Variants in EPS15 observed in about 807,000 individuals in gnomAD.
The protein encoded by EPS15 is epidermal growth factor receptor substrate 15.
EPS15 carries 72 observed loss-of-function variants against 113.8 expected under a neutral mutation model. The ratio of observed to expected loss-of-function variants is 0.63; its 90% CI spans 0.52 to 0.77. The LOEUF is 0.77. Among genes scored for constraint, EPS15 ranks in the 30% least tolerant of loss-of-function variants. EPS15 has a pLI of 0.00. For synonymous variants in EPS15, 344 were observed against 363.4 expected, an observed-to-expected ratio of 0.95 and a Z score of 0.61; for missense variants, 1,048 against 1,045.8, an observed-to-expected ratio of 1.00 and a Z score of -0.03.
At chr1:51,487,406 T>A (rs916376645) in intron 1 of EPS15, among the ~76,000 whole-genome samples, 1 of 152,150 alleles carries the variant, frequency 6.6e-6, no homozygotes, top group Non-Finnish European at 1.5e-5. Flanking sequence ...GATCTACTAA[T>A]GCAATAAAAA....
rs41292521 is a variant in EPS15 at position 51,408,295 on chromosome 1, G to A, written c.1313C>T (p.Ser438Leu). The A allele has an allele frequency of 0.018, 29,169 of 1,612,114 alleles. 380 individuals are homozygous for A. The highest frequency in any genetic ancestry group is 0.022 in the Non-Finnish European group (25,482 of 1,178,128). ...TTCTTCTTCGTAAGTGGAGATCTGCGATTCCTGACTAGTTAATTCAGCTTT... is the reference window on the plus strand; with the variant it reads ...TTCTTCTTCGTAAGTGGAGATCTGCAATTCCTGACTAGTTAATTCAGCTTT... ...SLKAELTSQE[S>L]QISTYEEELA... is the part of the protein sequence containing the mutation. Residue 438 changes from serine (S) to leucine (L), a missense_variant, in exon 15 of 25, where the codon TCG (serine) becomes TTG (leucine). Physicochemically the swap from Ser to Leu is moderately radical, Grantham distance 145. Coordinates refer to ENST00000371733, the MANE Select transcript of EPS15 (RefSeq NM_001981.3).
chr1:51,444,859 AC>A lies in EPS15; in HGVS notation c.954+29del, dbSNP rs1652878761. ...ATAGTATTGTTCCTTTGAAATTAAT[AC>A]ATTCAGGTTTCCTTTTAAGCTTTCT... On this transcript the variant is annotated intron_variant, in intron 11 of 24. Transcript: ENST00000371733. 2.5e-6 allele frequency: 4 copies of A among 1,591,444 alleles called. No individual in the cohort carries two copies. The East Asian group carries it at 8.9e-5, about 36-fold the overall frequency.
At chr1:51,396,056 T>C (rs1161753683) in intron 20 of EPS15, among the ~76,000 whole-genome samples, 2 of 152,138 alleles carry the variant, frequency 1.3e-5, no homozygotes, top group Non-Finnish European at 2.9e-5. Flanking sequence ...GCAGAAAGAA[T>C]TAATACTAAT....
At chr1:51,385,606 C>A (rs569816987) in intron 21 of EPS15, among the ~76,000 whole-genome samples, 1 of 152,184 alleles carries the variant, frequency 6.6e-6, no homozygotes, top group Non-Finnish European at 1.5e-5. Flanking sequence ...TGTACCCTCA[C>A]ATTCACAGTA....
Position 51,444,966 on chromosome 1 carries a change from A to T in EPS15, c.877T>A (p.Leu293Ile), listed in dbSNP as rs919927527. 1 of 1,613,882 alleles carries T rather than the reference A, an allele frequency of 6.2e-7. No homozygotes were observed. Among genetic ancestry groups the T allele is most frequent in the Non-Finnish European group, 8.5e-7 (1 of 1,179,906 alleles). The change falls in exon 11 of 25, where the codon TTA (leucine) becomes ATA (isoleucine). Residue 293 changes from leucine (L) to isoleucine (I), a missense_variant. Leu to Ile is a conservative substitution (Grantham distance 5, BLOSUM62 2). Transcript: ENST00000371733. Reference protein sequence around the residue: ...ALAFHLISQKLIKGIDPPHVL... With the variant: ...ALAFHLISQKIIKGIDPPHVL... ...TGAGGAGGATCAATGCCCTTGATTA[A>T]CTTCTGACTGATTAAGTGAAAAGCC...
chr1:51,397,800 T>TAG (rs1429905470), intron 20 of EPS15, among the ~76,000 whole-genome samples: 4 of 152,210 alleles, frequency 2.6e-5, no homozygotes, highest in Non-Finnish European at 5.9e-5. Flanking sequence ...ATTCTTAATC[T>TAG]AATAGTACTA....
rs72910260 is a variant in EPS15, at chr1:51,440,010, C to T, written c.1040+337G>A. Among the ~76,000 whole-genome samples, 1,146 of 152,064 alleles carry T rather than the reference C, an allele frequency of 7.5e-3. 13 individuals carry two copies. Among genetic ancestry groups the T allele is most frequent in the African/African-American group, 0.026 (1,092 of 41,516 alleles). On this transcript the variant is annotated intron_variant, in intron 12 of 24. Transcript: ENST00000371733. ...TATTTTTCAGTCATTCTAGGATATA[C>T]GTTTTTTCGCATTTTTCTCTAAATG...
At position 51,399,048 on chromosome 1, in the gene EPS15, T is replaced by C. The variant is rs140829740; in HGVS notation, c.2036A>G (p.Asn679Ser). 19 of 1,613,646 alleles carry C rather than the reference T, an allele frequency of 1.2e-5. No homozygotes were observed. Among genetic ancestry groups the C allele is most frequent in the African/African-American group, 4.0e-5 (3 of 74,888 alleles). ...CCCACTTACCGATGTAATACTGCTATTGTTGGCTGCACTGAAAGGGTCAGT... is the reference window on the plus strand; with the variant it reads ...CCCACTTACCGATGTAATACTGCTACTGTTGGCTGCACTGAAAGGGTCAGT... ...SSTDPFSAAN[N>S]SSITSVETLK... Residue 679 changes from asparagine to serine, a missense_variant, in exon 20 of 25, where the codon AAT becomes AGT. By Grantham distance (46) the Asn-to-Ser change is conservative. Transcript: ENST00000371733.
chr1:51,366,000 T>A lies in EPS15; in HGVS notation c.2149A>T (p.Asn717Tyr). 6.2e-7 allele frequency: 1 copy of A among 1,612,964 alleles called. No individual in the cohort carries two copies. The highest frequency in any genetic ancestry group is 8.5e-7 in the Non-Finnish European group (1 of 1,179,394). ...ATDPFASVFGNESFGGGFADF... is the reference protein window; with the variant it reads ...ATDPFASVFGYESFGGGFADF... ...GCAAATCCACCTCCAAATGATTCAT[T>A]CCCAAAAACAGAAGCAAAGGGGTCT... is the stretch of plus-strand genomic sequence containing the variant. Residue 717 changes from asparagine (N) to tyrosine (Y), a missense_variant, in exon 22 of 25, where the codon AAT becomes TAT. By Grantham distance (143) the Asn-to-Tyr change is moderately radical. Transcript: ENST00000371733.
chr1:51,484,610 C>G lies in EPS15; in HGVS notation c.34-3296G>C, dbSNP rs548359522. Among the ~76,000 whole-genome samples the G allele has an allele frequency of 4.6e-5, 7 of 152,074 alleles. No homozygotes were observed. The South Asian group carries it at 1.2e-3, about 27-fold the overall frequency. On this transcript the variant is annotated intron_variant, in intron 1 of 24. Coordinates refer to ENST00000371733, the MANE Select transcript of EPS15 (RefSeq NM_001981.3). ...ATCTGGAAGAGAACTAGTGATAATT[C>G]CATCTTTCTTGTTCTGATTCTTTAC...
chr1:51,404,377 C>CAA (rs35682249), intron 16 of EPS15, among the ~76,000 whole-genome samples: 31 of 99,760 alleles, frequency 3.1e-4, no homozygotes, highest in African/African-American at 5.9e-4. Flanking sequence ...GACTCCGTCT[C>CAA]AAAAAAAAAA....
chr1:51,446,932 TAAA>T, intron 10 of EPS15, 25 bp downstream of exon 10: 1 of 1,550,840 alleles, frequency 6.4e-7, no homozygotes, highest in South Asian at 1.2e-5. Flanking sequence ...ACCATATTTT[TAAA>T]AAATCAATTC....
chr1:51,395,312 GATTTT>G (rs1041468931), intron 20 of EPS15, among the ~76,000 whole-genome samples: 6 of 152,050 alleles, frequency 3.9e-5, no homozygotes, highest in Admixed American at 2.6e-4. Flanking sequence ...ATAAACCATA[GATTTT>G]ATTAGATTTC....
At chr1:51,381,255 C>T (rs112681075) in intron 21 of EPS15, among the ~76,000 whole-genome samples, 3,138 of 152,244 alleles carry the variant, frequency 0.021, 56 homozygotes, top group Non-Finnish European at 0.032. Context: ...TACTTTAGGC[C>T]ATAGAACAAC....
At chr1:51,462,839 T>C (rs1435920144) in intron 7 of EPS15, among the ~76,000 whole-genome samples, 3 of 150,422 alleles carry the variant, frequency 2.0e-5, no homozygotes, top group South Asian at 2.1e-4. Context: ...AGTAAAAAAA[T>C]TGAAAAAAAG....
At chr1:51,433,690 T>C (rs1408549045) in intron 12 of EPS15, among the ~76,000 whole-genome samples, 2 of 152,228 alleles carry the variant, frequency 1.3e-5, no homozygotes, top group Non-Finnish European at 1.5e-5. Context: ...GCTCAGCAAG[T>C]GAACTTACAT....
Position 51,363,968 on chromosome 1 carries a change from T to TA in EPS15, c.2256dup (p.Thr753TyrfsTer6). 6.2e-7 allele frequency: 1 copy of TA among 1,614,036 alleles called. No individual in the cohort carries two copies. Among genetic ancestry groups the TA allele is most frequent in the Non-Finnish European group, 8.5e-7 (1 of 1,179,936 alleles). ...GATGTTTCCTCAAATACATTTTTTG[T>TA]AATCACTACGTTGCTGACAGAGCTC... On this transcript the variant is annotated frameshift_variant, in exon 23 of 25. Transcript: ENST00000371733. LOFTEE classifies it high-confidence loss of function.
At chr1:51,516,163 A>G (rs927163256) in intron 1 of EPS15, among the ~76,000 whole-genome samples, 3 of 152,198 alleles carry the variant, frequency 2.0e-5, no homozygotes, top group Non-Finnish European at 2.9e-5. Flanking sequence ...GTAAAGCACT[A>G]AAGAACCCAG....
Position 51,448,078 on chromosome 1 carries a change from G to C in EPS15, c.619C>G (p.Pro207Ala), listed in dbSNP as rs1288401422. 6.2e-7 allele frequency: 1 copy of C among 1,613,752 alleles called. No homozygotes were observed. The highest frequency in any genetic ancestry group is 2.2e-5 in the East Asian group (1 of 44,856). Reference protein sequence around the residue: ...EKEPVPMSLPPALVPPSKRKT... With the variant: ...EKEPVPMSLPAALVPPSKRKT... ...CTCTTAGATGGTGGCACCAAGGCTG[G>C]AGGCAAGGACATTGGCACAGGTTCT... Residue 207 changes from proline (P) to alanine (A), a missense_variant, in exon 9 of 25, where the codon CCA (proline) becomes GCA (alanine). Pro to Ala is a conservative substitution (Grantham distance 27). Coordinates refer to ENST00000371733, the MANE Select transcript of EPS15 (RefSeq NM_001981.3).
Sources: allele counts gnomAD v4.1 joint callset (sites outside exome capture counted in the v4.1 genomes callset), GRCh38; gene constraint gnomAD v4.1.1; transcripts MANE v1.5; gene names NCBI Gene and HGNC (gene_info 2026-07-23, HGNC 2026-07-21).